PTPRT: variants seen among roughly 807,000 people sequenced by gnomAD.
PTPRT encodes the protein receptor-type tyrosine-protein phosphatase T.
Under a neutral mutation model 176.8 loss-of-function variants are expected in PTPRT, and 56 were observed. The ratio of observed to expected loss-of-function variants is 0.32; its 90% CI spans 0.26 to 0.40. The LOEUF (loss-of-function observed/expected upper bound fraction) is 0.40, where lower values mean the gene tolerates loss of function less well. Among genes scored for constraint, PTPRT ranks in the 10% least tolerant of loss-of-function variants. The pLI, the probability that PTPRT is intolerant of heterozygous loss-of-function variation, is 1.00. For missense variants in PTPRT, 1,540 were observed against 1,908.2 expected, an observed-to-expected ratio of 0.81 and a Z score of 3.60; for synonymous variants, 783 against 739.0, an observed-to-expected ratio of 1.06 and a Z score of -0.96.
At chr20:42,544,773 T>C (rs2224168) in intron 7 of PTPRT, among the ~76,000 whole-genome samples, 56,825 of 152,096 alleles carry the variant, frequency 0.37, 10,674 homozygotes, top group Admixed American at 0.42. Flanking sequence ...TATACATTCC[T>C]GAGCTTTTAA....
At chr20:42,163,784 G>A (rs981777425) in intron 16 of PTPRT, among the ~76,000 whole-genome samples, 2 of 152,238 alleles carry the variant, frequency 1.3e-5, no homozygotes, top group African/African-American at 4.8e-5. Flanking sequence ...ATGGTGCAAG[G>A]CAGATCCAGA....
At chr20:42,519,396 GGTT>G (rs2072129025) in intron 7 of PTPRT, among the ~76,000 whole-genome samples, 1 of 152,056 alleles carries the variant, frequency 6.6e-6, no homozygotes, top group South Asian at 2.1e-4. Context: ...CTAGTTTTGA[GGTT>G]GTTACGTATG....
rs1027392421 is a variant in PTPRT, at chr20:42,670,632, C to T, written c.1153+7234G>A. The stretch of plus-strand genomic sequence containing the variant: ...GGAAGAGAGCCCTCCAAATCAACAG[C>T]GTATGTGGTGTCTCTGGCTGTACAA... On this transcript the variant is annotated intron_variant, in intron 7 of 30. Coordinates refer to ENST00000373187, the MANE Select transcript of PTPRT (RefSeq NM_007050.6). 2.0e-5 allele frequency among the ~76,000 whole-genome samples: 3 copies of T among 152,146 alleles called. No individual in the cohort carries two copies. The East Asian group carries it at 5.8e-4, about 29-fold the overall frequency.
At position 42,780,284 on chromosome 20, in the gene PTPRT, C is replaced by T. The variant is rs778928297; in HGVS notation, c.502G>A (p.Val168Ile). ...TAGCCAGGATGACCCTTCAATGAGA[C>T]GGATTCAAATATCACCTGCAACACA... The part of the protein sequence containing the change: ...PHFYQVIFES[V>I]SLKGHPGYIA... Residue 168 changes from valine (V) to isoleucine (I), a missense_variant, in exon 4 of 31, where the codon GTC becomes ATC. This residue lies in a region of PTPRT where 273 missense variants were observed against 432.1 expected (regional missense o/e 0.63). Coordinates refer to ENST00000373187, the MANE Select transcript of PTPRT (RefSeq NM_007050.6). 2.4e-5 allele frequency: 38 copies of T among 1,613,790 alleles called. No homozygotes were observed. Among genetic ancestry groups the T allele is most frequent in the East Asian group, 4.5e-5 (2 of 44,882 alleles).
At chr20:42,535,490 A>T (rs769678171) in intron 7 of PTPRT, among the ~76,000 whole-genome samples, 275 of 152,322 alleles carry the variant, frequency 1.8e-3, no homozygotes, top group Non-Finnish European at 3.2e-3. Flanking sequence ...GTTAAAATAC[A>T]TATGATGTAA....
chr20:42,265,775 C>T (rs541353575), intron 13 of PTPRT, among the ~76,000 whole-genome samples: 1 of 152,246 alleles, frequency 6.6e-6, no homozygotes, highest in African/African-American at 2.4e-5. Context: ...AGGGCATGAC[C>T]CTAGGGAGAC....
At chr20:42,633,811 ATATATAT>A (rs1569037185) in intron 7 of PTPRT, among the ~76,000 whole-genome samples, 15 of 96,366 alleles carry the variant, frequency 1.6e-4, no homozygotes, top group Middle Eastern at 3.6e-3. Flanking sequence ...ATATATATAT[ATATATAT>A]AATAAAATAT....
At chr20:42,386,498 G>A (rs1016182575) in intron 9 of PTPRT, among the ~76,000 whole-genome samples, 10 of 152,160 alleles carry the variant, frequency 6.6e-5, no homozygotes, top group African/African-American at 2.4e-4. Context: ...TGAGAGGAGT[G>A]GAACTGGACA....
chr20:43,145,426 G>C (rs944076614), intron 1 of PTPRT, among the ~76,000 whole-genome samples: 1 of 152,104 alleles, frequency 6.6e-6, no homozygotes, highest in Non-Finnish European at 1.5e-5. Context: ...AAATGGCATA[G>C]GCTTCTTAAG....
intron 1 of PTPRT, among the ~76,000 whole-genome samples, chr20:43,178,225 T>C (rs1264377647): frequency 2.0e-5 from 3 of 152,182 alleles, no homozygotes; most frequent in Non-Finnish European, 4.4e-5. Flanking sequence ...CTCTACTTCA[T>C]CCCAGACAAT....
intron 7 of PTPRT, among the ~76,000 whole-genome samples, chr20:42,570,891 A>G (rs2073141242): frequency 7.0e-6 from 1 of 143,472 alleles, no homozygotes; most frequent in East Asian, 2.3e-4. Flanking sequence ...CCTTTTTTGC[A>G]GTGTAAGGCA....
intron 9 of PTPRT, among the ~76,000 whole-genome samples, chr20:42,377,456 A>G (rs1568826119): frequency 1.3e-5 from 2 of 152,220 alleles, no homozygotes; most frequent in Non-Finnish European, 1.5e-5. Context: ...GCAAGCTTTA[A>G]CTTACGACCA....
At chr20:42,585,400 A>G (rs1218191718) in intron 7 of PTPRT, among the ~76,000 whole-genome samples, 5 of 152,170 alleles carry the variant, frequency 3.3e-5, no homozygotes, top group Non-Finnish European at 7.4e-5. Flanking sequence ...TTTTACTGTC[A>G]TCTAGGTTGA....
chr20:42,449,823 G>A (rs1449931164), intron 8 of PTPRT, among the ~76,000 whole-genome samples: 1 of 151,894 alleles, frequency 6.6e-6, no homozygotes, highest in Non-Finnish European at 1.5e-5. Context: ...AGAATTTGTT[G>A]AATATTAAGA....
At chr20:42,555,780 G>A (rs572601997) in intron 7 of PTPRT, among the ~76,000 whole-genome samples, 4 of 152,198 alleles carry the variant, frequency 2.6e-5, no homozygotes, top group Non-Finnish European at 2.9e-5. Context: ...TATGTCTATC[G>A]TCTACCATGA....
At chr20:42,426,649 C>G (rs970138360) in intron 9 of PTPRT, among the ~76,000 whole-genome samples, 3 of 152,190 alleles carry the variant, frequency 2.0e-5, no homozygotes, top group African/African-American at 7.2e-5. Context: ...GTTGCAGACA[C>G]CCACCCCTGG....
At chr20:42,489,236 C>T (rs1429941831) in intron 7 of PTPRT, among the ~76,000 whole-genome samples, 1 of 151,732 alleles carries the variant, frequency 6.6e-6, no homozygotes, top group Non-Finnish European at 1.5e-5. Context: ...TCAAATATTC[C>T]ACGTCCCCCT....
chr20:43,034,417 C>T (rs1275985378), intron 1 of PTPRT, among the ~76,000 whole-genome samples: 5 of 151,972 alleles, frequency 3.3e-5, no homozygotes, highest in East Asian at 1.9e-4. Flanking sequence ...CTGGGGAACA[C>T]GGGAATGCCT....
chr20:42,772,432 G>A (rs1436360864), intron 4 of PTPRT, among the ~76,000 whole-genome samples: 2 of 152,086 alleles, frequency 1.3e-5, no homozygotes, highest in Non-Finnish European at 2.9e-5. Context: ...ACAGGGAAAG[G>A]GTCTTTCAAA....
Sources: gnomAD v4.1 joint callset for allele counts (sites outside exome capture counted in the v4.1 genomes callset) on GRCh38, gnomAD v4.1.1 for gene constraint, gnomAD v4.1.1 regional missense constraint, MANE v1.5 for transcripts, NCBI Gene and HGNC (gene_info 2026-07-23, HGNC 2026-07-21) for gene names.